ABHD3: variants seen among roughly 807,000 people sequenced by gnomAD.
ABHD3 encodes the protein phospholipase ABHD3.
ABHD3 carries 46 observed loss-of-function variants against 48.8 expected under a neutral mutation model. The observed-to-expected ratio is 0.94, with a 90% CI of 0.74 to 1.20. The LOEUF (loss-of-function observed/expected upper bound fraction) is 1.20, where lower values mean the gene tolerates loss of function less well. Among genes scored for constraint, ABHD3 ranks in the 50% most tolerant of loss-of-function variants. ABHD3 has a pLI of 0.00. For missense variants in ABHD3, 490 were observed against 497.8 expected, an observed-to-expected ratio of 0.98 and a Z score of 0.15; for synonymous variants, 192 against 183.7, an observed-to-expected ratio of 1.04 and a Z score of -0.36.
chr18:21,651,393 T>A lies in ABHD3; in HGVS notation c.*198A>T. 2.2e-6 allele frequency: 1 copy of A among 463,454 alleles called. No homozygotes were observed. Among genetic ancestry groups the A allele is most frequent in the Non-Finnish European group, 3.7e-6 (1 of 272,118 alleles). The allele number at this position is 463,454 out of a possible 1,614,324, so 28.7% of individuals were successfully genotyped here. A position where few individuals can be genotyped will look rare whatever the true frequency, so the allele number is the denominator to read the frequency against. ...ATAGTAAAAATAAAATCTACGTAAG[T>A]AACAATCTAATACTATATTTAATTT... On this transcript the variant is annotated 3_prime_UTR_variant, in exon 9 of 9. Transcript: ENST00000289119.
intron 5 of ABHD3, among the ~76,000 whole-genome samples, chr18:21,661,606 A>G (rs1356180725): frequency 6.6e-6 from 1 of 152,094 alleles, no homozygotes. Context: ...ACTCCAGTCC[A>G]GGTGACAATG....
chr18:21,665,325 C>T (rs565804510), intron 4 of ABHD3, among the ~76,000 whole-genome samples: 1 of 152,102 alleles, frequency 6.6e-6, no homozygotes, highest in African/African-American at 2.4e-5. Flanking sequence ...ACTGTAGCCT[C>T]GACTTCCTTG....
At chr18:21,667,234 CTTTTTTT>C (rs745430805) in intron 4 of ABHD3, among the ~76,000 whole-genome samples, 4 of 81,474 alleles carry the variant, frequency 4.9e-5, no homozygotes, top group East Asian at 4.2e-4. Flanking sequence ...CCACCACACC[CTTTTTTT>C]TTTTTTTTTT....
intron 3 of ABHD3, among the ~76,000 whole-genome samples, chr18:21,694,019 A>T (rs907233619): frequency 1.3e-5 from 2 of 152,204 alleles, no homozygotes; most frequent in Admixed American, 1.3e-4. Context: ...GAAAAGCTAA[A>T]TTGCATCTAG....
rs200811231 is a variant in ABHD3, at chr18:21,703,603, G to C, written c.307C>G (p.Pro103Ala). The C allele has an allele frequency of 6.2e-7, 1 of 1,613,086 alleles. No homozygotes were observed. The highest frequency in any genetic ancestry group is 8.5e-7 in the Non-Finnish European group (1 of 1,179,292). The change falls in exon 2 of 9, where the codon CCC becomes GCC. Residue 103 changes from proline (P) to alanine (A), a missense_variant. By Grantham distance (27) the Pro-to-Ala change is conservative (BLOSUM62 -1). Coordinates refer to ENST00000289119, the MANE Select transcript of ABHD3 (RefSeq NM_138340.5). The stretch of plus-strand genomic sequence containing the variant: ...ACTTACTTCCTGTACTGCACCGGGG[G>C]CTTCGAAGTGATGAAAGGTCTAAGC... ...TLLRPFITSK[P>A]PVQYRNELIK...
At chr18:21,704,184 G>A (rs1035210046) in intron 1 of ABHD3, among the ~76,000 whole-genome samples, 10 of 152,240 alleles carry the variant, frequency 6.6e-5, no homozygotes, top group African/African-American at 2.2e-4. Context: ...ACCGTGCCCT[G>A]CCCGGAGTCA....
At chr18:21,657,981 T>A (rs2039397486) in intron 6 of ABHD3, among the ~76,000 whole-genome samples, 1 of 152,016 alleles carries the variant, frequency 6.6e-6, no homozygotes. Flanking sequence ...ATGGATTGCT[T>A]GAGTTCAGGA....
chr18:21,663,897 G>A lies in ABHD3; in HGVS notation c.668+221C>T, dbSNP rs957118464. 19 of 1,437,912 alleles carry A rather than the reference G, an allele frequency of 1.3e-5. No individual in the cohort carries two copies. In the Admixed American group the frequency reaches 3.0e-4, roughly 23 times the overall value. The allele number at this position is 1,437,912 out of a possible 1,614,324, so 89.1% of individuals were successfully genotyped here. On this transcript the variant is annotated intron_variant, in intron 5 of 8. Transcript: ENST00000289119. ...ACAAACCTTCAGGCTCACAAAATCC[G>A]CAGTCACAGAGACCCGTAGTTAAGA...
chr18:21,651,849 AC>A, intron 8 of ABHD3, 86 bp from the exon 9 acceptor site: 1 of 1,213,970 alleles, frequency 8.2e-7, no homozygotes, highest in South Asian at 1.6e-5. Flanking sequence ...AAAAGCATAT[AC>A]CTTTATCATG....
At chr18:21,692,443 C>G (rs929562709) in intron 3 of ABHD3, among the ~76,000 whole-genome samples, 1 of 152,166 alleles carries the variant, frequency 6.6e-6, no homozygotes, top group Non-Finnish European at 1.5e-5. Flanking sequence ...CTCAGCAAAG[C>G]TGAATTTAAT....
chr18:21,680,468 T>G (rs1368470471), intron 4 of ABHD3, among the ~76,000 whole-genome samples: 1 of 152,236 alleles, frequency 6.6e-6, no homozygotes, highest in Non-Finnish European at 1.5e-5. Context: ...AACTTGAACT[T>G]GGGACTTCTG....
chr18:21,675,835 G>C (rs1447762236), intron 4 of ABHD3, among the ~76,000 whole-genome samples: 2 of 152,090 alleles, frequency 1.3e-5, no homozygotes, highest in Non-Finnish European at 1.5e-5. Context: ...GCTCATGCCT[G>C]TAATCCCAGC....
intron 3 of ABHD3, among the ~76,000 whole-genome samples, chr18:21,685,704 T>TC (rs536451398): frequency 1.1e-3 from 172 of 151,920 alleles, no homozygotes; most frequent in African/African-American, 3.9e-3. Flanking sequence ...TAATTTTTAT[T>TC]CTTTTTTTTT....
intron 3 of ABHD3, among the ~76,000 whole-genome samples, chr18:21,686,158 A>C (rs1394777460): frequency 1.3e-5 from 2 of 152,358 alleles, no homozygotes; most frequent in Middle Eastern, 3.4e-3. Flanking sequence ...AATCTTAAAT[A>C]AACTGTAAAT....
intron 3 of ABHD3, among the ~76,000 whole-genome samples, chr18:21,694,095 A>AT (rs66921186): frequency 6.6e-6 from 1 of 151,802 alleles, no homozygotes; most frequent in Admixed American, 6.6e-5. Context: ...TCAGGATCAC[A>AT]TTTTTTTTTA....
At chr18:21,685,047 C>T (rs1030445828) in intron 3 of ABHD3, among the ~76,000 whole-genome samples, 1 of 152,160 alleles carries the variant, frequency 6.6e-6, no homozygotes, top group South Asian at 2.1e-4. Context: ...AAATATGTAA[C>T]TCTCATTTAA....
In ABHD3 at chr18:21,662,421, A is replaced by C. The variant is rs79509825; in HGVS notation, c.668+1697T>G. The C allele has an allele frequency of 8.0e-3, 1,220 of 152,278 alleles. 26 individuals carry two copies. Among genetic ancestry groups the C allele is most frequent in the African/African-American group, 0.028 (1,161 of 41,532 alleles). 9.4% of individuals were successfully genotyped at this position (152,278 alleles called of 1,614,324 possible). The stretch of plus-strand genomic sequence containing the variant: ...CACACCTGGCCCACCTTTTAGAGAT[A>C]CCAACTATTTATAAGTGATGTCTGA... On this transcript the variant is annotated intron_variant, in intron 5 of 8. Transcript: ENST00000289119.
chr18:21,663,958 T>C, intron 5 of ABHD3, 160 bp downstream of exon 5: 1 of 1,429,250 alleles, frequency 7.0e-7, no homozygotes, highest in East Asian at 2.5e-5. Flanking sequence ...ATTCTTTCCT[T>C]CCTTCGTTCA....
At chr18:21,659,662 T>G (rs370947569) in intron 5 of ABHD3, among the ~76,000 whole-genome samples, 24 of 122,274 alleles carry the variant, frequency 2.0e-4, no homozygotes, top group Admixed American at 5.4e-4. Flanking sequence ...CACCTAGAGT[T>G]TTTTTTTTTT....
Sources: allele counts gnomAD v4.1 joint callset (sites outside exome capture counted in the v4.1 genomes callset), GRCh38; gene constraint gnomAD v4.1.1; transcripts MANE v1.5; gene names NCBI Gene and HGNC (gene_info 2026-07-23, HGNC 2026-07-21).